The following RCOR1 variants were observed in gnomAD, a reference collection of about 807,000 sequenced individuals.
The protein encoded by RCOR1 is REST corepressor.
In RCOR1, 12 loss-of-function variants were observed where a neutral mutation model predicts 64.0. The ratio of observed to expected loss-of-function variants is 0.19; its 90% CI spans 0.12 to 0.30. The LOEUF is 0.30. Ranked by LOEUF, RCOR1 falls within the 10% of genes least tolerant of loss-of-function variation. RCOR1 has a pLI of 1.00. For synonymous variants in RCOR1, 279 were observed against 227.2 expected (o/e 1.23, Z -2.05); for missense variants, 502 against 621.2 (o/e 0.81, Z 2.04).
chr14:102,685,430 T>A (rs1390933566), intron 3 of RCOR1, among the ~76,000 whole-genome samples: 2 of 152,124 alleles, frequency 1.3e-5, no homozygotes, highest in African/African-American at 2.4e-5. Context: ...CTCTGTTTTT[T>A]AAAAAACCTG....
Position 102,625,289 on chromosome 14 carries a change from G to A in RCOR1, c.361+31964G>A, listed in dbSNP as rs187725324. Among the ~76,000 whole-genome samples the A allele has an allele frequency of 2.3e-3, 313 of 136,864 alleles. 2 individuals carry two copies. The highest frequency in any genetic ancestry group is 8.0e-3 in the African/African-American group (290 of 36,326). 89.8% of individuals were successfully genotyped at this position (136,864 alleles called of 152,430 possible). On this transcript the variant is annotated intron_variant, in intron 2 of 11. Transcript: ENST00000262241. The stretch of plus-strand genomic sequence containing the variant: ...GTTTCACTCGTTCCCAGGATGGAGT[G>A]CAATGGCACGATCTTGGCTCGCCGC...
chr14:102,601,821 C>T (rs1370341647), intron 2 of RCOR1, among the ~76,000 whole-genome samples: 1 of 152,144 alleles, frequency 6.6e-6, no homozygotes, highest in Non-Finnish European at 1.5e-5. Flanking sequence ...GCAACATTTT[C>T]TCTCTTGAAG....
At chr14:102,633,380 G>A (rs1894167570) in intron 2 of RCOR1, among the ~76,000 whole-genome samples, 1 of 151,932 alleles carries the variant, frequency 6.6e-6, no homozygotes, top group Non-Finnish European at 1.5e-5. Context: ...ATAGAGATGG[G>A]GTCTTGCCAT....
intron 2 of RCOR1, chr14:102,662,526 G>C (rs1894844564): frequency 3.9e-6 from 2 of 506,770 alleles, no homozygotes; most frequent in Admixed American, 4.1e-5. Flanking sequence ...GCGCTCTTCT[G>C]AGGATATTTG....
intron 11 of RCOR1, among the ~76,000 whole-genome samples, chr14:102,724,061 G>T (rs749914263): frequency 2.6e-5 from 4 of 152,070 alleles, no homozygotes; most frequent in African/African-American, 7.2e-5. Context: ...AGCCCAGAAG[G>T]TTCTTCCGTA....
intron 2 of RCOR1, among the ~76,000 whole-genome samples, chr14:102,672,252 G>T (rs1054194720): frequency 6.6e-5 from 10 of 151,858 alleles, no homozygotes; most frequent in African/African-American, 2.2e-4. Flanking sequence ...TCGCTCTGTT[G>T]CCCAGTCTGG....
chr14:102,653,465 G>C (rs1180663736), intron 2 of RCOR1, among the ~76,000 whole-genome samples: 1 of 152,182 alleles, frequency 6.6e-6, no homozygotes, highest in Non-Finnish European at 1.5e-5. Flanking sequence ...TGGGATTACA[G>C]GCATGAGCCA....
intron 2 of RCOR1, among the ~76,000 whole-genome samples, chr14:102,639,017 A>G (rs1019383925): frequency 2.0e-5 from 3 of 152,116 alleles, no homozygotes; most frequent in Non-Finnish European, 4.4e-5. Flanking sequence ...TTTTTTTCCT[A>G]ATTTGTACAG....
At chr14:102,621,442 CA>C (rs1196346229) in intron 2 of RCOR1, among the ~76,000 whole-genome samples, 1 of 139,674 alleles carries the variant, frequency 7.2e-6, no homozygotes, top group African/African-American at 2.7e-5. Flanking sequence ...CTGGTGCAAT[CA>C]CAGCTTACTG....
chr14:102,639,831 T>TATTCATTCATTCATTC (rs34567389), intron 2 of RCOR1, among the ~76,000 whole-genome samples: 4 of 147,292 alleles, frequency 2.7e-5, no homozygotes, highest in African/African-American at 1.0e-4. Context: ...GAGCTCAGCC[T>TATTCATTCATTCATTC]ATTCATTCAT....
intron 2 of RCOR1, among the ~76,000 whole-genome samples, chr14:102,636,827 T>C (rs967595949): frequency 6.6e-6 from 1 of 151,740 alleles, no homozygotes; most frequent in Admixed American, 6.6e-5. Flanking sequence ...AAAAATTAGC[T>C]GGGCATGGTG....
intron 2 of RCOR1, among the ~76,000 whole-genome samples, chr14:102,681,082 T>C (rs988232877): frequency 6.6e-6 from 1 of 152,164 alleles, no homozygotes; most frequent in East Asian, 1.9e-4. Context: ...AAAGAAGAAA[T>C]TCGTCAACCA....
chr14:102,629,950 A>G (rs1894074891), intron 2 of RCOR1: 2 of 957,554 alleles, frequency 2.1e-6, no homozygotes, highest in South Asian at 9.7e-5. Flanking sequence ...CTATTATTAC[A>G]TTATATGTGA....
chr14:102,711,058 C>G, intron 7 of RCOR1, 45 bp downstream of exon 7: 1 of 1,243,986 alleles, frequency 8.0e-7, no homozygotes, highest in Non-Finnish European at 1.1e-6. Context: ...AATTTTATTA[C>G]TAGTTTCATA....
intron 2 of RCOR1, among the ~76,000 whole-genome samples, chr14:102,680,577 G>T (rs1052403255): frequency 1.1e-4 from 17 of 152,196 alleles, no homozygotes; most frequent in Admixed American, 3.9e-4. Flanking sequence ...GGAGGCCAAG[G>T]CAGGCAGATC....
chr14:102,634,123 A>G (rs1052504336), intron 2 of RCOR1, among the ~76,000 whole-genome samples: 2 of 152,076 alleles, frequency 1.3e-5, no homozygotes, highest in Non-Finnish European at 2.9e-5. Context: ...GCTTGATACA[A>G]TTCTCTGTCT....
chr14:102,653,971 CTTTCTTTCTTTCTTTTT>C (rs1764617533), intron 2 of RCOR1, among the ~76,000 whole-genome samples: 2 of 37,430 alleles, frequency 5.3e-5, no homozygotes, highest in Non-Finnish European at 9.7e-5. Flanking sequence ...TTCTTTCTTT[CTTTCTTTCTTTCTTTTT>C]TTTTTTTTTT....
intron 11 of RCOR1, among the ~76,000 whole-genome samples, chr14:102,723,771 A>G (rs1896209382): frequency 6.6e-6 from 1 of 152,216 alleles, no homozygotes; most frequent in South Asian, 2.1e-4. Flanking sequence ...ATTTGCAGGA[A>G]TGAAAGCTTG....
At chr14:102,726,330 CAAA>C (rs768839492) in intron 11 of RCOR1, 135 bp from the exon 12 acceptor site, 655 of 619,764 alleles carry the variant, frequency 1.1e-3, no homozygotes, top group Admixed American at 1.8e-3. Flanking sequence ...GTCTCCCCTC[CAAA>C]AAAAAAAAAA....
Sources: allele counts gnomAD v4.1 joint callset (sites outside exome capture counted in the v4.1 genomes callset), GRCh38; gene constraint gnomAD v4.1.1; transcripts MANE v1.5; gene names NCBI Gene and HGNC (gene_info 2026-07-23, HGNC 2026-07-21).